The following ARMH4 variants were observed in gnomAD, a reference collection of about 807,000 sequenced individuals.
ARMH4 encodes armadillo-like helical domain-containing protein 4.
A neutral mutation model predicts 61.9 loss-of-function variants in ARMH4; 49 were observed. The observed-to-expected ratio is 0.79, with a 90% CI of 0.63 to 1.00. The LOEUF is 1.00. Among genes scored for constraint, ARMH4 ranks in the 50% least tolerant of loss-of-function variants. The probability of loss-of-function intolerance (pLI) is 0.00; values close to 1 mark genes in which losing one functional copy is unlikely to be tolerated. For missense variants in ARMH4, 934 were observed against 930.0 expected, an observed-to-expected ratio of 1.00 and a Z score of -0.06; for synonymous variants, 368 against 341.5, an observed-to-expected ratio of 1.08 and a Z score of -0.85.
intron 5 of ARMH4, among the ~76,000 whole-genome samples, chr14:58,089,733 A>C (rs976451132): frequency 3.3e-5 from 5 of 152,220 alleles, no homozygotes; most frequent in African/African-American, 9.6e-5. Flanking sequence ...GCGCTGTGTG[A>C]GGACAGCAAG....
chr14:58,144,077 C>G (rs1218707001), intron 1 of ARMH4, among the ~76,000 whole-genome samples: 1 of 152,098 alleles, frequency 6.6e-6, no homozygotes, highest in Non-Finnish European at 1.5e-5. Context: ...CCTGGCCACA[C>G]TGTTCTTTTT....
At chr14:58,097,786 G>T (rs1427680787) in intron 4 of ARMH4, among the ~76,000 whole-genome samples, 1 of 151,568 alleles carries the variant, frequency 6.6e-6, no homozygotes, top group Non-Finnish European at 1.5e-5. Flanking sequence ...GTTCACCACA[G>T]TCTCAGACTC....
chr14:58,044,925 C>G (rs903691923), intron 5 of ARMH4, among the ~76,000 whole-genome samples: 7 of 152,132 alleles, frequency 4.6e-5, no homozygotes, highest in Non-Finnish European at 1.0e-4. Context: ...CCATCTCACA[C>G]CAGTTAGAAT....
intron 5 of ARMH4, among the ~76,000 whole-genome samples, chr14:58,087,562 G>A (rs1014705667): frequency 2.0e-5 from 3 of 152,148 alleles, no homozygotes; most frequent in African/African-American, 7.2e-5. Flanking sequence ...GGAGGAGAAG[G>A]GAATTTGCAG....
At chr14:58,140,957 A>G (rs923560246) in intron 1 of ARMH4, among the ~76,000 whole-genome samples, 15 of 152,130 alleles carry the variant, frequency 9.9e-5, no homozygotes, top group Admixed American at 5.2e-4. Context: ...ACCATGTAGG[A>G]CACAGCAAAA....
chr14:58,132,469 G>A (rs576671242), intron 3 of ARMH4, among the ~76,000 whole-genome samples: 2 of 150,106 alleles, frequency 1.3e-5, no homozygotes, highest in East Asian at 3.9e-4. Context: ...CATCCCCCCC[G>A]GCTCCTAGCA....
intron 5 of ARMH4, among the ~76,000 whole-genome samples, chr14:58,059,184 C>T (rs1884450711): frequency 6.6e-6 from 1 of 152,230 alleles, no homozygotes; most frequent in Admixed American, 6.5e-5. Context: ...TTTAAGTGAT[C>T]ATCAGCAGAG....
chr14:58,144,256 TC>T (rs1887659374), intron 1 of ARMH4, among the ~76,000 whole-genome samples: 1 of 152,114 alleles, frequency 6.6e-6, no homozygotes, highest in African/African-American at 2.4e-5. Flanking sequence ...CTATTTGCCT[TC>T]CTTAAAACAA....
At chr14:58,100,091 G>A (rs1277593187) in intron 4 of ARMH4, among the ~76,000 whole-genome samples, 1 of 152,150 alleles carries the variant, frequency 6.6e-6, no homozygotes, top group African/African-American at 2.4e-5. Context: ...GAAACGGTAG[G>A]AAAAAGGGAA....
chr14:58,139,224 C>A lies in ARMH4; in HGVS notation c.135G>T (p.Gly45=), dbSNP rs1178375498. ...CATCGGTGTTCATCTTATCGGACTG[C>A]CCTTTTTCCGCATGAACATGTGCTA... ...REIAHVHAEK[G]QSDKMNTDDL... Residue 45 remains glycine, a synonymous_variant, in exon 2 of 8, where the codon GGG becomes GGT. Coordinates refer to ENST00000267485, the MANE Select transcript of ARMH4 (RefSeq NM_001001872.4). 4.3e-6 allele frequency: 7 copies of A among 1,614,060 alleles called. No homozygotes were observed. The East Asian group carries it at 1.1e-4, about 26-fold the overall frequency.
intron 5 of ARMH4, among the ~76,000 whole-genome samples, chr14:58,078,354 T>A (rs1462084348): frequency 6.6e-6 from 1 of 152,168 alleles, no homozygotes; most frequent in Non-Finnish European, 1.5e-5. Flanking sequence ...ATTTTTACCC[T>A]CTCATCCAAT....
chr14:58,028,218 G>C (rs1241694670), intron 5 of ARMH4, among the ~76,000 whole-genome samples: 1 of 152,100 alleles, frequency 6.6e-6, no homozygotes, highest in Admixed American at 6.6e-5. Flanking sequence ...TTGTTTCCTT[G>C]TGTGATCTGT....
intron 5 of ARMH4, among the ~76,000 whole-genome samples, chr14:58,014,535 G>A (rs955413459): frequency 3.3e-5 from 5 of 152,180 alleles, no homozygotes; most frequent in African/African-American, 1.2e-4. Flanking sequence ...GTTTAGTACA[G>A]AAATCCAGGG....
chr14:58,133,218 T>G lies in ARMH4; in HGVS notation c.1493A>C (p.Lys498Thr), dbSNP rs1201678970. Residue 498 changes from lysine to threonine, a missense_variant, in exon 3 of 8, where the codon AAG becomes ACG. Lys to Thr is a moderately conservative substitution (Grantham distance 78, BLOSUM62 -1). Transcript: ENST00000267485. ...IRDSGKTEEE[K>T]EDPSPVSDVP... ...GTCAGACACAGGAGAGGGGTCCTCC[T>G]TTTCTTCCTCAGTCTTGCCACTGTC... 6.2e-7 allele frequency: 1 copy of G among 1,614,102 alleles called. No individual in the cohort carries two copies. Among genetic ancestry groups the G allele is most frequent in the Non-Finnish European group, 8.5e-7 (1 of 1,180,018 alleles).
At chr14:58,013,127 T>C (rs1337267860) in intron 5 of ARMH4, among the ~76,000 whole-genome samples, 1 of 152,194 alleles carries the variant, frequency 6.6e-6, no homozygotes, top group Non-Finnish European at 1.5e-5. Context: ...TTCAGAAGCT[T>C]CAACAGACAG....
intron 5 of ARMH4, among the ~76,000 whole-genome samples, chr14:58,038,753 G>A (rs1728261807): frequency 6.6e-6 from 1 of 152,096 alleles, no homozygotes; most frequent in Non-Finnish European, 1.5e-5. Context: ...ACTATAATGT[G>A]ATATGAAATT....
At position 58,017,743 on chromosome 14, in the gene ARMH4, C is replaced by T. The variant is rs570370540; in HGVS notation, c.2090-5593G>A. Among the ~76,000 whole-genome samples the T allele has an allele frequency of 3.9e-5, 6 of 152,132 alleles. No homozygotes were observed. In the East Asian group the frequency reaches 1.2e-3, roughly 29 times the overall value. On this transcript the variant is annotated intron_variant, in intron 5 of 7. Coordinates refer to ENST00000267485, the MANE Select transcript of ARMH4 (RefSeq NM_001001872.4). ...ATTCAATGCAATCTCTACCAAAATC[C>T]CAATGACATTTTTCACAGAAATAGA...
At chr14:58,121,996 ATACTCTTTTCC>A (rs1886739820) in intron 4 of ARMH4, among the ~76,000 whole-genome samples, 8 of 152,310 alleles carry the variant, frequency 5.3e-5, no homozygotes, top group Admixed American at 2.0e-4. Context: ...ATTCCATGGA[ATACTCTTTTCC>A]ATGTCATCTC....
chr14:58,048,875 C>T (rs1884027824), intron 5 of ARMH4, among the ~76,000 whole-genome samples: 1 of 152,058 alleles, frequency 6.6e-6, no homozygotes, highest in African/African-American at 2.4e-5. Context: ...AATGGGAAAA[C>T]GAACCTACTG....
Sources: allele counts gnomAD v4.1 joint callset (sites outside exome capture counted in the v4.1 genomes callset), GRCh38; gene constraint gnomAD v4.1.1; transcripts MANE v1.5; gene names NCBI Gene and HGNC (gene_info 2026-07-23, HGNC 2026-07-21).